CHRNA1: variants seen among roughly 807,000 people sequenced by gnomAD.
CHRNA1 encodes the protein cholinergic receptor nicotinic alpha 1 subunit, also known as acetylcholine receptor subunit alpha.
A neutral mutation model predicts 47.1 loss-of-function variants in CHRNA1; 35 were observed. The observed-to-expected ratio is 0.74, with a 90% CI of 0.57 to 0.99. The LOEUF (loss-of-function observed/expected upper bound fraction) is 0.99. Ranked by LOEUF, CHRNA1 falls within the 50% of genes least tolerant of loss-of-function variation. The pLI is 0.00. For missense variants in CHRNA1, 506 were observed against 591.1 expected, an observed-to-expected ratio of 0.86 and a Z score of 1.49; for synonymous variants, 229 against 223.6, an observed-to-expected ratio of 1.02 and a Z score of -0.22.
chr2:174,749,936 C>G lies in CHRNA1; in HGVS notation c.1002+10G>C, dbSNP rs1022240297. ...CTCCGTGTGAAGTCTGCAGGGGCCTCCCCACTCACCTTCCGCACCCAGTTG... is the reference window on the plus strand; with the variant it reads ...CTCCGTGTGAAGTCTGCAGGGGCCTGCCCACTCACCTTCCGCACCCAGTTG... On this transcript the variant is annotated intron_variant, in intron 7 of 8. Transcript: ENST00000348749. The G allele has an allele frequency of 2.5e-6, 4 of 1,612,446 alleles. No homozygotes were observed. Among genetic ancestry groups the G allele is most frequent in the Non-Finnish European group, 3.4e-6 (4 of 1,178,784 alleles).
At position 174,759,542 on chromosome 2, in the gene CHRNA1, G is replaced by A. The variant is rs1444663558; in HGVS notation, c.135C>T (p.His45=). 1.9e-6 allele frequency: 3 copies of A among 1,614,092 alleles called. No homozygotes were observed. Among genetic ancestry groups the A allele is most frequent in the South Asian group, 1.1e-5 (1 of 91,078 alleles). ...CCACGGTGACCTCCACGACCTGGCG[G>A]TGGTCTTCCACTGGCCGCACCACGC... The part of the protein sequence containing the change: ...YSSVVRPVED[H]RQVVEVTVGL... Residue 45 remains histidine (H), a synonymous_variant, in exon 2 of 9, where the codon CAC becomes CAT. Coordinates refer to ENST00000348749, the MANE Select transcript of CHRNA1 (RefSeq NM_000079.4).
intron 3 of CHRNA1, 115 bp downstream of exon 3, chr2:174,759,216 T>C (rs1684043040): frequency 1.7e-6 from 2 of 1,179,840 alleles, no homozygotes; most frequent in Non-Finnish European, 2.5e-6. Flanking sequence ...TCTCAAAATA[T>C]CTACTTTCAA....
chr2:174,748,872 T>A (rs2646159), intron 7 of CHRNA1, 53 bp from the exon 8 acceptor site: 17 of 1,605,178 alleles, frequency 1.1e-5, no homozygotes, highest in Non-Finnish European at 1.4e-5. Context: ...GAGGCAAGCA[T>A]AAAACTCTGT....
rs1683784968 is a variant in CHRNA1, at chr2:174,748,650, T to G, written c.1172A>C (p.Glu391Ala). 6.2e-7 allele frequency: 1 copy of G among 1,614,174 alleles called. No homozygotes were observed. The highest frequency in any genetic ancestry group is 8.5e-7 in the Non-Finnish European group (1 of 1,180,028). The change falls in exon 8 of 9, where the codon GAG (glutamate) becomes GCG (alanine). Residue 391 changes from glutamate to alanine, a missense_variant. Physicochemically the swap from Glu to Ala is moderately radical, Grantham distance 107. Transcript: ENST00000348749. Reference protein sequence around the residue: ...GFHSPLIKHPEVKSAIEGIKY... With the variant: ...GFHSPLIKHPAVKSAIEGIKY... ...GATGCCCTCGATGGCACTTTTCACCTCGGGGTGTTTGATCAGGGGAGAGTG... is the reference window on the plus strand; with the variant it reads ...GATGCCCTCGATGGCACTTTTCACCGCGGGGTGTTTGATCAGGGGAGAGTG...
At chr2:174,758,221 T>C (rs1326530443) in intron 3 of CHRNA1, among the ~76,000 whole-genome samples, 1 of 152,136 alleles carries the variant, frequency 6.6e-6, no homozygotes. Flanking sequence ...CCAGCCTGGC[T>C]AACATAGTGA....
At chr2:174,753,471 T>TCAG in intron 6 of CHRNA1, 32 bp downstream of exon 6, 1 of 1,586,732 alleles carries the variant, frequency 6.3e-7, no homozygotes, top group Non-Finnish European at 8.7e-7. Flanking sequence ...CCCATCAGCG[T>TCAG]CAGCAGCAGC....
chr2:174,755,879 C>A (rs970634520), intron 4 of CHRNA1, among the ~76,000 whole-genome samples: 7 of 152,146 alleles, frequency 4.6e-5, no homozygotes, highest in African/African-American at 1.7e-4. Context: ...ACTAAATTTT[C>A]TTTAAAAATT....
intron 3 of CHRNA1, 25 bp downstream of exon 3, chr2:174,759,306 A>G (rs1257503807): frequency 1.9e-6 from 3 of 1,612,752 alleles, no homozygotes; most frequent in Non-Finnish European, 2.5e-6. Context: ...AAAACGACAC[A>G]CATGCAATTA....
intron 1 of CHRNA1, among the ~76,000 whole-genome samples, chr2:174,759,849 G>GTT (rs2105352464): frequency 6.6e-6 from 1 of 151,986 alleles, no homozygotes; most frequent in African/African-American, 2.4e-5. Context: ...TGACAGTGGG[G>GTT]TGTGCCAGGT....
Position 174,759,518 on chromosome 2 carries a change from C to T in CHRNA1, c.159G>A (p.Val53=). The change falls in exon 2 of 9, where the codon GTG becomes GTA. Residue 53 remains valine (V), a synonymous_variant. Transcript: ENST00000348749. ...EDHRQVVEVT[V]GLQLIQLINV... is the part of the protein sequence containing the mutation. The stretch of plus-strand genomic sequence containing the variant: ...TGATGAGCTGTATCAGCTGCAGGCC[C>T]ACGGTGACCTCCACGACCTGGCGGT... 6.2e-7 allele frequency: 1 copy of T among 1,614,130 alleles called. No homozygotes were observed. Among genetic ancestry groups the T allele is most frequent in the Non-Finnish European group, 8.5e-7 (1 of 1,180,012 alleles).
intron 5 of CHRNA1, 113 bp from the exon 6 acceptor site, chr2:174,753,853 C>A: frequency 5.0e-6 from 5 of 1,001,964 alleles, no homozygotes; most frequent in East Asian, 2.6e-5. Context: ...GTCACACACC[C>A]AGGAGGGACT....
At chr2:174,762,554 A>G (rs1684119947) in intron 1 of CHRNA1, among the ~76,000 whole-genome samples, 1 of 152,186 alleles carries the variant, frequency 6.6e-6, no homozygotes, top group Non-Finnish European at 1.5e-5. Flanking sequence ...CCTTCTTCCT[A>G]CCCTCATGGA....
chr2:174,759,962 A>C, intron 1 of CHRNA1, among the ~76,000 whole-genome samples: 1 of 151,774 alleles, frequency 6.6e-6, no homozygotes, highest in African/African-American at 2.4e-5. Flanking sequence ...ACACACACGA[A>C]AAAAAAGCCC....
At position 174,748,186 on chromosome 2, in the gene CHRNA1, A is replaced by G; in HGVS notation, c.1312T>C (p.Cys438Arg). 1 of 1,614,172 alleles carries G rather than the reference A, an allele frequency of 6.2e-7. No individual in the cohort carries two copies. Among genetic ancestry groups the G allele is most frequent in the Non-Finnish European group, 8.5e-7 (1 of 1,180,034 alleles). ...AACACGGCTAGGGTTCCGATGATGCAAACAAGCATGAAGACTCCGAGGAGT... is the reference window on the plus strand; with the variant it reads ...AACACGGCTAGGGTTCCGATGATGCGAACAAGCATGAAGACTCCGAGGAGT... ...HILLGVFMLV[C>R]IIGTLAVFAG... The change falls in exon 9 of 9, where the codon TGC becomes CGC. Residue 438 changes from cysteine (C) to arginine (R), a missense_variant. Coordinates refer to ENST00000348749, the MANE Select transcript of CHRNA1 (RefSeq NM_000079.4).
In CHRNA1 at chr2:174,764,444, T is replaced by C; in HGVS notation, c.-50A>G. On this transcript the variant is annotated 5_prime_UTR_variant, in exon 1 of 9. Coordinates refer to ENST00000348749, the MANE Select transcript of CHRNA1 (RefSeq NM_000079.4). ...AGGGCAGAGTGGTGGCCTGTGCTTC[T>C]CACTGGCACTCTGGCTGGGTGCTTG... 2 of 1,582,860 alleles carry C rather than the reference T, an allele frequency of 1.3e-6. No homozygotes were observed. Among genetic ancestry groups the C allele is most frequent in the African/African-American group, 2.7e-5 (2 of 74,398 alleles).
chr2:174,753,755 G>A lies in CHRNA1; in HGVS notation c.541-15C>T, dbSNP rs571098006. 1.5e-5 allele frequency: 24 copies of A among 1,612,978 alleles called. No homozygotes were observed. The South Asian group carries it at 2.6e-4, about 18-fold the overall frequency. ...TGGTCGCTTTCCTGAGAAAGGAAGT[G>A]AGGTTTGGAAATCCCAGGCAGGTCA... On this transcript the variant is annotated splice_polypyrimidine_tract_variant and intron_variant, in intron 5 of 8. Transcript: ENST00000348749.
chr2:174,748,041 G>C lies in CHRNA1; in HGVS notation c.*83C>G, dbSNP rs762962058. The C allele has an allele frequency of 4.9e-5, 76 of 1,549,440 alleles. No individual in the cohort carries two copies. The highest frequency in any genetic ancestry group is 6.2e-5 in the Non-Finnish European group (70 of 1,127,752). On this transcript the variant is annotated 3_prime_UTR_variant, in exon 9 of 9. Coordinates refer to ENST00000348749, the MANE Select transcript of CHRNA1 (RefSeq NM_000079.4). Reference sequence around the variant, plus strand: ...ATAACACGTTTGATAAGTGCGAGTGGAGCAAGTAGACAAATCTTCCTCTCC... The same window carrying C: ...ATAACACGTTTGATAAGTGCGAGTGCAGCAAGTAGACAAATCTTCCTCTCC...
chr2:174,754,893 T>TC (rs1683949854), intron 4 of CHRNA1, among the ~76,000 whole-genome samples: 1 of 149,558 alleles, frequency 6.7e-6, no homozygotes, highest in African/African-American at 2.5e-5. Context: ...TTTTTTTTTT[T>TC]TTTTTTTTTT....
At position 174,747,917 on chromosome 2, in the gene CHRNA1, A is replaced by G. The variant is rs1683762819; in HGVS notation, c.*207T>C. 1.6e-6 allele frequency: 1 copy of G among 614,494 alleles called. No individual in the cohort carries two copies. The highest frequency in any genetic ancestry group is 2.8e-6 in the Non-Finnish European group (1 of 350,938). 38.1% of individuals were successfully genotyped at this position (614,494 alleles called of 1,614,324 possible). ...ATTTACTAAAGAGGGTTCACTCTTCAGGGAGACAGCAGAACTAAAGGGAGA... is the reference window on the plus strand; with the variant it reads ...ATTTACTAAAGAGGGTTCACTCTTCGGGGAGACAGCAGAACTAAAGGGAGA... On this transcript the variant is annotated 3_prime_UTR_variant, in exon 9 of 9. Transcript: ENST00000348749.
Sources: allele counts gnomAD v4.1 joint callset (sites outside exome capture counted in the v4.1 genomes callset), GRCh38; gene constraint gnomAD v4.1.1; transcripts MANE v1.5; gene names NCBI Gene and HGNC (gene_info 2026-07-23, HGNC 2026-07-21).